The following TFIP11 variants were observed in gnomAD, a reference collection of about 807,000 sequenced individuals.
TFIP11 encodes tuftelin interacting protein 11.
A neutral mutation model predicts 96.8 loss-of-function variants in TFIP11; 86 were observed. That is an observed-to-expected ratio of 0.89 (90% confidence interval 0.75 to 1.06). The LOEUF is 1.06. Ranked by LOEUF, TFIP11 falls within the 50% of genes least tolerant of loss-of-function variation. The pLI is 0.00. For synonymous variants in TFIP11, 405 were observed against 395.2 expected, an observed-to-expected ratio of 1.02 and a Z score of -0.29; for missense variants, 881 against 1,076.7, an observed-to-expected ratio of 0.82 and a Z score of 2.54.
At chr22:26,506,092 CT>C (rs1460517899) in intron 6 of TFIP11, 1 of 486,570 alleles carries the variant, frequency 2.1e-6, no homozygotes, top group Non-Finnish European at 3.5e-6. Context: ...GTTTTAGACC[CT>C]AACCCTTTCC....
rs773386803 is a variant in TFIP11 at position 26,506,318 on chromosome 22, C to T, written c.505G>A (p.Gly169Arg). Residue 169 changes from glycine (G) to arginine (R), a missense_variant, in exon 6 of 15, where the codon GGG (glycine) becomes AGG (arginine). Transcript: ENST00000407690. ...GGTGCAATACCTTGTGCATTCTTCCCGAGGCCCCGTCCAGGGACGTAGCCC... is the reference window on the plus strand; with the variant it reads ...GGTGCAATACCTTGTGCATTCTTCCTGAGGCCCCGTCCAGGGACGTAGCCC... ...KMGYVPGRGL[G>R]KNAQGIINPI... 2 of 1,607,370 alleles carry T rather than the reference C, an allele frequency of 1.2e-6. No homozygotes were observed. Among genetic ancestry groups the T allele is most frequent in the Non-Finnish European group, 8.5e-7 (1 of 1,178,040 alleles).
chr22:26,501,785 CAAA>C (rs371327421), intron 8 of TFIP11, 112 bp downstream of exon 8: 7,920 of 257,556 alleles, frequency 0.031, no homozygotes, highest in South Asian at 0.047. Context: ...AGCAAGGTAC[CAAA>C]AAAAAAAAAA....
chr22:26,509,449 C>T (rs538618481), intron 4 of TFIP11, among the ~76,000 whole-genome samples: 2 of 152,318 alleles, frequency 1.3e-5, no homozygotes, highest in Admixed American at 6.5e-5. Context: ...CAAGTTTGAT[C>T]GTCTGAGTTG....
intron 13 of TFIP11, 153 bp downstream of exon 13, chr22:26,494,644 G>C: frequency 9.3e-7 from 1 of 1,072,684 alleles, no homozygotes; most frequent in Non-Finnish European, 1.3e-6. Context: ...TCCAATAAAT[G>C]GTGCCCACTA....
At chr22:26,508,399 A>T (rs1033599093) in intron 4 of TFIP11, among the ~76,000 whole-genome samples, 18 of 152,232 alleles carry the variant, frequency 1.2e-4, no homozygotes. Context: ...TTTATGAAAT[A>T]GCCAGGACAA....
At position 26,512,108 on chromosome 22, in the gene TFIP11, C is replaced by T. The variant is rs148007964; in HGVS notation, c.-105G>A. Reference sequence around the variant, plus strand: ...GAAGTTAGTAACTTACCCTAGGTTCCACTGCTCATAGGGCTCAAACTCAGG... The same window carrying T: ...GAAGTTAGTAACTTACCCTAGGTTCTACTGCTCATAGGGCTCAAACTCAGG... On this transcript the variant is annotated 5_prime_UTR_variant, in exon 2 of 15. It introduces an in-frame stop codon into an upstream open reading frame of the 5' UTR. Transcript: ENST00000407690. 1 of 152,272 alleles carries T rather than the reference C, an allele frequency of 6.6e-6. No individual in the cohort carries two copies. The highest frequency in any genetic ancestry group is 1.9e-4 in the East Asian group (1 of 5,184). The allele number at this position is 152,272 out of a possible 1,614,324, so 9.4% of individuals were successfully genotyped here.
intron 6 of TFIP11, 44 bp from the exon 7 acceptor site, chr22:26,503,837 G>A: frequency 6.2e-7 from 1 of 1,603,902 alleles, no homozygotes. Flanking sequence ...TACGATCACA[G>A]CAATTCATGT....
intron 14 of TFIP11, 64 bp from the exon 15 acceptor site, chr22:26,492,432 T>G (rs1921338811): frequency 6.7e-7 from 1 of 1,502,260 alleles, no homozygotes; most frequent in African/African-American, 1.4e-5. Context: ...GTTGACACTG[T>G]GGCTTGGCCC....
At position 26,491,407 on chromosome 22, in the gene TFIP11, A is replaced by C; in HGVS notation, c.*606T>G. 7.5e-7 allele frequency: 1 copy of C among 1,327,648 alleles called. No homozygotes were observed. The highest frequency in any genetic ancestry group is 1.1e-6 in the Non-Finnish European group (1 of 942,112). 82.2% of individuals were successfully genotyped at this position (1,327,648 alleles called of 1,614,324 possible). A position where few individuals can be genotyped will look rare whatever the true frequency, so the allele number is the denominator to read the frequency against. Reference sequence around the variant, plus strand: ...AAGTAAAGTGGAAATTTATCCCAGAAGAGTGGGGATTACTGTGACTATCTG... The same window carrying C: ...AAGTAAAGTGGAAATTTATCCCAGACGAGTGGGGATTACTGTGACTATCTG... On this transcript the variant is annotated 3_prime_UTR_variant, in exon 15 of 15. Coordinates refer to ENST00000407690, the MANE Select transcript of TFIP11 (RefSeq NM_012143.4).
chr22:26,500,977 G>A (rs374584223), intron 8 of TFIP11, among the ~76,000 whole-genome samples: 4 of 143,828 alleles, frequency 2.8e-5, no homozygotes, highest in African/African-American at 7.8e-5. Flanking sequence ...TCCGCCTCCT[G>A]AGTAAATGCC....
intron 6 of TFIP11, 186 bp downstream of exon 6, chr22:26,506,117 A>G: frequency 1.8e-6 from 1 of 545,080 alleles, no homozygotes; most frequent in Non-Finnish European, 3.0e-6. Context: ...CTGTTGAAAC[A>G]ATTACTTATT....
chr22:26,491,897 TGGA>T lies in TFIP11; in HGVS notation c.*113_*115del. 1 of 1,103,398 alleles carries T rather than the reference TGGA, an allele frequency of 9.1e-7. No homozygotes were observed. Among genetic ancestry groups the T allele is most frequent in the South Asian group, 1.6e-5 (1 of 63,256 alleles). The allele number at this position is 1,103,398 out of a possible 1,614,324, so 68.4% of individuals were successfully genotyped here. On this transcript the variant is annotated 3_prime_UTR_variant, in exon 15 of 15. Transcript: ENST00000407690. ...CCTTCCCTCATGACCTGGCCTGATGTGGAGTAGCTCCTGAGTAAAGAAGTTACC... is the reference window on the plus strand; with the variant it reads ...CCTTCCCTCATGACCTGGCCTGATGTGTAGCTCCTGAGTAAAGAAGTTACC...
At chr22:26,509,629 G>A (rs1923815654) in intron 4 of TFIP11, among the ~76,000 whole-genome samples, 1 of 152,186 alleles carries the variant, frequency 6.6e-6, no homozygotes, top group South Asian at 2.1e-4. Context: ...GCTGAGGTGG[G>A]TGGATCACTT....
intron 10 of TFIP11, among the ~76,000 whole-genome samples, chr22:26,498,221 A>G (rs2147129287): frequency 6.6e-6 from 1 of 152,314 alleles, no homozygotes; most frequent in Admixed American, 6.5e-5. Flanking sequence ...GACTCGGGGA[A>G]AGGATGGGAA....
rs779710291 is a variant in TFIP11, at chr22:26,510,276, C to T, written c.-4G>A. 3.2e-5 allele frequency: 51 copies of T among 1,614,132 alleles called. No homozygotes were observed. The South Asian group carries it at 3.7e-4, about 12-fold the overall frequency. ...GGTATAAGTGGGACAATGACATGGCCAGTCACTAAAGGAAGAGACAAAAAG... is the reference window on the plus strand; with the variant it reads ...GGTATAAGTGGGACAATGACATGGCTAGTCACTAAAGGAAGAGACAAAAAG... On this transcript the variant is annotated 5_prime_UTR_variant, in exon 4 of 15. Coordinates refer to ENST00000407690, the MANE Select transcript of TFIP11 (RefSeq NM_012143.4).
At chr22:26,495,532 G>A (rs1022675781) in intron 12 of TFIP11, among the ~76,000 whole-genome samples, 60 of 150,730 alleles carry the variant, frequency 4.0e-4, no homozygotes, top group Admixed American at 9.9e-4. Flanking sequence ...CCGACATAGC[G>A]ATTCTTAAAA....
At position 26,501,785 on chromosome 22, in the gene TFIP11, CAAAAAAAAAAA is replaced by C. The variant is rs371327421; in HGVS notation, c.801+104_801+114del. 64 of 261,604 alleles carry C rather than the reference CAAAAAAAAAAA, an allele frequency of 2.4e-4. No homozygotes were observed. In the African/African-American group the frequency reaches 3.3e-3, roughly 13 times the overall value. 16.2% of individuals were successfully genotyped at this position (261,604 alleles called of 1,614,324 possible). ...TAAATAAGTGAGAAAAGCAAGGTAC[CAAAAAAAAAAA>C]AAAAAAAAAAAGCCTAGCTAAAAGA... On this transcript the variant is annotated intron_variant, in intron 8 of 14. Transcript: ENST00000407690.
chr22:26,507,439 C>CA (rs984130762), intron 4 of TFIP11, among the ~76,000 whole-genome samples: 65 of 151,938 alleles, frequency 4.3e-4, no homozygotes, highest in African/African-American at 1.5e-3. Context: ...GCCAGGGCAA[C>CA]ATGGTGAGAC....
intron 12 of TFIP11, 123 bp downstream of exon 12, chr22:26,495,950 A>G: frequency 1.5e-6 from 2 of 1,376,922 alleles, no homozygotes; most frequent in Non-Finnish European, 2.0e-6. Context: ...TTTCACAGCA[A>G]GGAATATTGT....
Sources: gnomAD v4.1 joint callset for allele counts (sites outside exome capture counted in the v4.1 genomes callset) on GRCh38, gnomAD v4.1.1 for gene constraint, MANE v1.5 for transcripts, NCBI Gene and HGNC (gene_info 2026-07-23, HGNC 2026-07-21) for gene names.